The following CLNK variants were observed in gnomAD, a reference collection of about 807,000 sequenced individuals.
CLNK encodes the protein cytokine-dependent hematopoietic cell linker.
In CLNK, 74 loss-of-function variants were observed where a neutral mutation model predicts 68.6. The ratio of observed to expected loss-of-function variants is 1.08; its 90% CI spans 0.89 to 1.31. The LOEUF is 1.31. Ranked by LOEUF, CLNK falls within the 50% of genes most tolerant of loss-of-function variation. CLNK has a pLI of 0.00. For synonymous variants in CLNK, 198 were observed against 172.2 expected (o/e 1.15, Z -1.17); for missense variants, 553 against 515.3 (o/e 1.07, Z -0.71).
At chr4:10,532,200 A>G (rs1718570490) in intron 12 of CLNK, 56 bp downstream of exon 12, 1 of 1,335,208 alleles carries the variant, frequency 7.5e-7, no homozygotes, top group African/African-American at 1.4e-5. Context: ...CCTATTGCAG[A>G]CATTTAATGC....
intron 2 of CLNK, among the ~76,000 whole-genome samples, chr4:10,638,615 T>C (rs934853633): frequency 2.6e-5 from 4 of 152,206 alleles, no homozygotes; most frequent in Admixed American, 1.3e-4. Context: ...TTGACACTGG[T>C]GTTACTATGA....
chr4:10,585,030 C>T (rs371166081), intron 3 of CLNK, 75 bp from the exon 4 acceptor site: 4 of 1,512,784 alleles, frequency 2.6e-6, no homozygotes, highest in East Asian at 4.6e-5. Context: ...TAGGAACAGG[C>T]AGTCATCAAA....
chr4:10,540,457 T>C (rs1718967683), intron 11 of CLNK, 37 bp downstream of exon 11: 2 of 1,500,986 alleles, frequency 1.3e-6, no homozygotes, highest in African/African-American at 1.4e-5. Flanking sequence ...ACCCACACTC[T>C]TGCTGGTCAT....
intron 18 of CLNK, among the ~76,000 whole-genome samples, chr4:10,495,617 T>C (rs1716771383): frequency 6.6e-6 from 1 of 152,216 alleles, no homozygotes; most frequent in South Asian, 2.1e-4. Flanking sequence ...CCTTACATTG[T>C]AGAAGAGCTA....
intron 2 of CLNK, among the ~76,000 whole-genome samples, chr4:10,640,487 G>A (rs1420075378): frequency 6.6e-6 from 1 of 152,146 alleles, no homozygotes; most frequent in Non-Finnish European, 1.5e-5. Flanking sequence ...TTTTGAAGAG[G>A]TCTTAAAAGT....
At chr4:10,530,516 C>G (rs939829298) in intron 12 of CLNK, among the ~76,000 whole-genome samples, 7 of 152,200 alleles carry the variant, frequency 4.6e-5, no homozygotes. Flanking sequence ...TGTTTTTGCA[C>G]TAGACCTTCT....
chr4:10,600,042 G>C (rs1013784448), intron 2 of CLNK, among the ~76,000 whole-genome samples: 1 of 152,136 alleles, frequency 6.6e-6, no homozygotes. Context: ...TGATAGCTAA[G>C]TTTCCTGCCC....
intron 2 of CLNK, among the ~76,000 whole-genome samples, chr4:10,638,587 C>T (rs575847166): frequency 1.1e-4 from 17 of 152,272 alleles, no homozygotes; most frequent in African/African-American, 3.4e-4. Flanking sequence ...ATAATGCTTT[C>T]ATTTTTTGTG....
chr4:10,625,385 A>T (rs1231933978), intron 2 of CLNK, among the ~76,000 whole-genome samples: 1 of 152,216 alleles, frequency 6.6e-6, no homozygotes, highest in Non-Finnish European at 1.5e-5. Context: ...TGCTTTTCTC[A>T]CTGCCTCTGC....
chr4:10,696,381 C>T, the CLNK span, among the ~76,000 whole-genome samples: 1 of 152,196 alleles, frequency 6.6e-6, no homozygotes, highest in African/African-American at 2.4e-5. Flanking sequence ...AGCACCCAGC[C>T]TGATGTCTAC....
At chr4:10,624,681 G>C (rs1003266518) in intron 2 of CLNK, among the ~76,000 whole-genome samples, 5 of 148,574 alleles carry the variant, frequency 3.4e-5, no homozygotes, top group African/African-American at 9.9e-5. Flanking sequence ...GATGTCTCAG[G>C]ATCTCTAAGA....
At chr4:10,503,277 C>A (rs1172519318) in intron 17 of CLNK, among the ~76,000 whole-genome samples, 1 of 151,980 alleles carries the variant, frequency 6.6e-6, no homozygotes, top group African/African-American at 2.4e-5. Context: ...GCCCGGCTGA[C>A]ATGGGGAAAC....
At chr4:10,522,699 T>A (rs1718131554) in intron 14 of CLNK, among the ~76,000 whole-genome samples, 1 of 152,264 alleles carries the variant, frequency 6.6e-6, no homozygotes, top group East Asian at 1.9e-4. Context: ...ACATGGCCTC[T>A]GCCTGAATGA....
chr4:10,672,023 C>T (rs138427193), intron 1 of CLNK, among the ~76,000 whole-genome samples: 4 of 152,078 alleles, frequency 2.6e-5, no homozygotes, highest in Non-Finnish European at 4.4e-5. Flanking sequence ...CTTAAAGAGC[C>T]CCTAAGCTAA....
intron 2 of CLNK, among the ~76,000 whole-genome samples, chr4:10,635,383 C>T (rs1383697137): frequency 6.6e-6 from 1 of 152,108 alleles, no homozygotes; most frequent in African/African-American, 2.4e-5. Context: ...ACTGATCGAC[C>T]CTGTCCACCT....
chr4:10,562,475 G>A (rs917929749), intron 7 of CLNK, among the ~76,000 whole-genome samples: 1 of 151,912 alleles, frequency 6.6e-6, no homozygotes, highest in Non-Finnish European at 1.5e-5. Context: ...GTGCAATCTC[G>A]GCTCACTGCA....
chr4:10,550,449 C>T (rs912269342), intron 8 of CLNK, among the ~76,000 whole-genome samples: 2 of 152,016 alleles, frequency 1.3e-5, no homozygotes, highest in Non-Finnish European at 2.9e-5. Context: ...GAGCCAAGAT[C>T]GCGCCACTGC....
chr4:10,683,169 C>T (rs544533840), intron 1 of CLNK, among the ~76,000 whole-genome samples: 1 of 152,210 alleles, frequency 6.6e-6, no homozygotes, highest in African/African-American at 2.4e-5. Context: ...AACAACATCC[C>T]TGGTCCAAGT....
intron 2 of CLNK, among the ~76,000 whole-genome samples, chr4:10,611,903 G>A (rs1416641204): frequency 2.0e-5 from 3 of 152,050 alleles, no homozygotes; most frequent in Non-Finnish European, 2.9e-5. Context: ...ATGACTCACC[G>A]GCCCTCCATG....
Sources: allele counts gnomAD v4.1 joint callset (sites outside exome capture counted in the v4.1 genomes callset), GRCh38; gene constraint gnomAD v4.1.1; transcripts MANE v1.5; gene names NCBI Gene and HGNC (gene_info 2026-07-23, HGNC 2026-07-21).